IMMP2L: variants seen among roughly 807,000 people sequenced by gnomAD.
IMMP2L encodes mitochondrial inner membrane protease subunit 2.
IMMP2L carries 18 observed loss-of-function variants against 19.3 expected under a neutral mutation model. The observed-to-expected ratio is 0.93, with a 90% CI of 0.64 to 1.38. IMMP2L has a LOEUF of 1.38. Among genes scored for constraint, IMMP2L ranks in the 40% most tolerant of loss-of-function variants. The probability of loss-of-function intolerance (pLI) is 0.00; values close to 1 mark genes in which losing one functional copy is unlikely to be tolerated. For synonymous variants in IMMP2L, 76 were observed against 73.0 expected, an observed-to-expected ratio of 1.04 and a Z score of -0.21; for missense variants, 233 against 218.2, an observed-to-expected ratio of 1.07 and a Z score of -0.43.
rs146797927 is a variant in IMMP2L at position 111,123,462 on chromosome 7, C to T, written c.240-159897G>A. 4.0e-5 allele frequency: 65 copies of T among 1,613,638 alleles called. No individual in the cohort carries two copies. Among genetic ancestry groups the T allele is most frequent in the South Asian group, 2.0e-4 (18 of 91,018 alleles). Reference sequence around the variant, plus strand: ...TAAACCTCACAGAAATACCAGATAACGCCTTGGTTGGACTGGAAAACTTAG... The same window carrying T: ...TAAACCTCACAGAAATACCAGATAATGCCTTGGTTGGACTGGAAAACTTAG... On this transcript the variant is annotated intron_variant, in intron 3 of 5. Transcript: ENST00000405709. The surrounding 1 kb of genome is among the most constrained non-coding windows in gnomAD (Gnocchi z 6.4).
intron 3 of IMMP2L, among the ~76,000 whole-genome samples, chr7:111,429,936 A>G (rs998533179): frequency 3.3e-5 from 5 of 151,944 alleles, no homozygotes; most frequent in Non-Finnish European, 5.9e-5. Flanking sequence ...CTTGGATAAG[A>G]ATCAAAGTAG....
At chr7:110,821,917 T>C (rs1477344508) in intron 5 of IMMP2L, among the ~76,000 whole-genome samples, 1 of 151,762 alleles carries the variant, frequency 6.6e-6, no homozygotes, top group Non-Finnish European at 1.5e-5. Context: ...GCAAGACTCT[T>C]GTCTCAAAAA....
intron 4 of IMMP2L, among the ~76,000 whole-genome samples, chr7:110,904,306 A>G (rs1341980674): frequency 6.6e-6 from 1 of 152,134 alleles, no homozygotes; most frequent in Admixed American, 6.5e-5. Flanking sequence ...TTTTAGTGTC[A>G]TATCCATGAA....
At chr7:111,540,664 T>C (rs138271736) in intron 1 of IMMP2L, among the ~76,000 whole-genome samples, 40 of 152,300 alleles carry the variant, frequency 2.6e-4, no homozygotes, top group African/African-American at 7.7e-4. Context: ...CCCAACTAAG[T>C]TGTAAGCCCC....
chr7:111,400,338 G>T (rs1297599485), intron 3 of IMMP2L, among the ~76,000 whole-genome samples: 1 of 152,060 alleles, frequency 6.6e-6, no homozygotes, highest in Non-Finnish European at 1.5e-5. Context: ...TTTAGACTGT[G>T]GTGAACAATT....
intron 3 of IMMP2L, among the ~76,000 whole-genome samples, chr7:110,976,249 C>A (rs1404609757): frequency 6.6e-6 from 1 of 151,618 alleles, no homozygotes; most frequent in Non-Finnish European, 1.5e-5. Flanking sequence ...CAGTTACCTG[C>A]ACTTATAAAA....
rs1396913662 is a variant in IMMP2L at position 111,417,190 on chromosome 7, G to A, written c.239+70048C>T. Among the ~76,000 whole-genome samples, 2 of 151,660 alleles carry A rather than the reference G, an allele frequency of 1.3e-5. 1 individual carries two copies. Among genetic ancestry groups the A allele is most frequent in the African/African-American group, 4.9e-5 (2 of 41,060 alleles). ...GCTTCAGGCCTCCTCATTTGAAAAT[G>A]TCCCTGCAGGTACCCTAGCAATGTG... On this transcript the variant is annotated intron_variant, in intron 3 of 5. Coordinates refer to ENST00000405709, the MANE Select transcript of IMMP2L (RefSeq NM_032549.4).
At chr7:111,405,486 A>T (rs937836695) in intron 3 of IMMP2L, among the ~76,000 whole-genome samples, 1 of 152,226 alleles carries the variant, frequency 6.6e-6, no homozygotes, top group African/African-American at 2.4e-5. Flanking sequence ...TGTAATACAC[A>T]TAAATTCTAA....
intron 4 of IMMP2L, among the ~76,000 whole-genome samples, chr7:110,944,914 C>A (rs1715445327): frequency 1.3e-5 from 2 of 151,856 alleles, no homozygotes; most frequent in Admixed American, 1.3e-4. Flanking sequence ...CTGTCCTTTG[C>A]TCTTATAAAT....
At chr7:110,754,890 G>T (rs1044812092) in intron 5 of IMMP2L, among the ~76,000 whole-genome samples, 1 of 151,278 alleles carries the variant, frequency 6.6e-6, no homozygotes, top group Non-Finnish European at 1.5e-5. Flanking sequence ...ATACAGCAGG[G>T]TTACAGCACG....
intron 3 of IMMP2L, among the ~76,000 whole-genome samples, chr7:111,121,879 C>A (rs947590209): frequency 6.6e-6 from 1 of 152,074 alleles, no homozygotes; most frequent in South Asian, 2.1e-4. Context: ...AAATATACAC[C>A]ATGGAATACT....
chr7:111,175,969 T>C (rs953933578), intron 3 of IMMP2L, among the ~76,000 whole-genome samples: 2 of 151,804 alleles, frequency 1.3e-5, no homozygotes, highest in African/African-American at 2.4e-5. Context: ...AAGATCTGAA[T>C]AGATATTTCT....
intron 5 of IMMP2L, among the ~76,000 whole-genome samples, chr7:110,808,654 A>C (rs1801804178): frequency 6.6e-6 from 1 of 152,086 alleles, no homozygotes; most frequent in African/African-American, 2.4e-5. Flanking sequence ...AATACTAAAC[A>C]GAAACTGGAA....
chr7:111,520,890 T>C (rs952974099), intron 2 of IMMP2L, among the ~76,000 whole-genome samples: 1 of 152,118 alleles, frequency 6.6e-6, no homozygotes, highest in African/African-American at 2.4e-5. Context: ...GGATCAATGG[T>C]CTAGACATTT....
chr7:111,268,569 C>CTTTTTTTTTTTTTTTTTT (rs762576425), intron 3 of IMMP2L, among the ~76,000 whole-genome samples: 4 of 44,562 alleles, frequency 9.0e-5, no homozygotes, highest in East Asian at 7.6e-4. Flanking sequence ...TCACATTTCT[C>CTTTTTTTTTTTTTTTTTT]TTTTTTTTTT....
At chr7:111,323,591 C>T (rs1037913056) in intron 3 of IMMP2L, among the ~76,000 whole-genome samples, 1 of 152,064 alleles carries the variant, frequency 6.6e-6, no homozygotes, top group Non-Finnish European at 1.5e-5. Context: ...GGCGATTCCT[C>T]AGGGATCTAG....
In IMMP2L at chr7:110,803,184, A is replaced by T. The variant is rs1198756516; in HGVS notation, c.408+83409T>A. Among the ~76,000 whole-genome samples, 1 of 152,050 alleles carries T rather than the reference A, an allele frequency of 6.6e-6. No homozygotes were observed. The highest frequency in any genetic ancestry group is 1.5e-5 in the Non-Finnish European group (1 of 68,000). ...GGGGCATATTAGGTAGTGGGAACAAAATGGACATAATCTCTGAGATAGGAA... is the reference window on the plus strand; with the variant it reads ...GGGGCATATTAGGTAGTGGGAACAATATGGACATAATCTCTGAGATAGGAA... On this transcript the variant is annotated intron_variant, in intron 5 of 5. Transcript: ENST00000405709. The surrounding 1 kb of genome is among the most constrained non-coding windows in gnomAD (Gnocchi z 4.2).
chr7:111,112,988 G>A (rs560377422), intron 3 of IMMP2L, among the ~76,000 whole-genome samples: 2 of 152,106 alleles, frequency 1.3e-5, no homozygotes, highest in Admixed American at 6.5e-5. Flanking sequence ...TAGTAAAAAC[G>A]TAAAACACTG....
At chr7:111,368,930 T>A (rs1314885029) in intron 3 of IMMP2L, among the ~76,000 whole-genome samples, 2 of 151,960 alleles carry the variant, frequency 1.3e-5, no homozygotes, top group African/African-American at 2.4e-5. Context: ...TCATTTTTTT[T>A]AAATATGTAA....
Sources: allele counts gnomAD v4.1 joint callset (sites outside exome capture counted in the v4.1 genomes callset), GRCh38; gene constraint gnomAD v4.1.1; non-coding constraint Gnocchi (gnomAD v3.1); transcripts MANE v1.5; gene names NCBI Gene and HGNC (gene_info 2026-07-23, HGNC 2026-07-21).